Variants in CPNE8 observed in about 807,000 individuals in gnomAD.
The protein encoded by CPNE8 is copine 8.
Under a neutral mutation model 81.5 loss-of-function variants are expected in CPNE8, and 45 were observed. The ratio of observed to expected loss-of-function variants is 0.55; its 90% CI spans 0.44 to 0.71. The LOEUF (loss-of-function observed/expected upper bound fraction) is 0.71, where lower values mean the gene tolerates loss of function less well. CPNE8 is among the 30% of genes least tolerant of loss of function. The probability of loss-of-function intolerance (pLI) is 0.00; values close to 1 mark genes in which losing one functional copy is unlikely to be tolerated. For missense variants in CPNE8, 594 were observed against 672.1 expected (o/e 0.88, Z 1.28); for synonymous variants, 252 against 226.3 (o/e 1.11, Z -1.02).
chr12:38,864,456 C>T (rs887974762), intron 3 of CPNE8, among the ~76,000 whole-genome samples: 62 of 151,782 alleles, frequency 4.1e-4, no homozygotes, highest in African/African-American at 1.4e-3. Flanking sequence ...CCTAGAAAAT[C>T]CTAAAGAAGA....
chr12:38,732,675 T>C (rs59103577), intron 10 of CPNE8, among the ~76,000 whole-genome samples: 7,713 of 152,034 alleles, frequency 0.051, 444 homozygotes, highest in East Asian at 0.33. Context: ...CTTCATGACA[T>C]ACTGTCCTCT....
At chr12:38,836,324 C>T (rs11613812) in intron 5 of CPNE8, among the ~76,000 whole-genome samples, 7 of 152,056 alleles carry the variant, frequency 4.6e-5, no homozygotes, top group Non-Finnish European at 1.0e-4. Context: ...AACACGTTTC[C>T]ACCACAAATA....
At chr12:38,835,076 A>G (rs752640548) in intron 5 of CPNE8, among the ~76,000 whole-genome samples, 5 of 151,944 alleles carry the variant, frequency 3.3e-5, no homozygotes, top group Non-Finnish European at 7.4e-5. Flanking sequence ...TAGTAGATAC[A>G]GGGTTTCACC....
At chr12:38,763,437 G>A (rs566065097) in intron 8 of CPNE8, among the ~76,000 whole-genome samples, 1 of 152,276 alleles carries the variant, frequency 6.6e-6, no homozygotes, top group Admixed American at 6.5e-5. Flanking sequence ...AGAATTCCTC[G>A]GGAGCCCCAA....
chr12:38,865,283 C>T (rs1164804931), intron 3 of CPNE8, among the ~76,000 whole-genome samples: 1 of 152,210 alleles, frequency 6.6e-6, no homozygotes, highest in Non-Finnish European at 1.5e-5. Flanking sequence ...AGATATTTCA[C>T]TCCTACATGT....
intron 19 of CPNE8, among the ~76,000 whole-genome samples, chr12:38,668,117 A>G (rs1220091210): frequency 1.3e-5 from 2 of 152,092 alleles, no homozygotes; most frequent in Non-Finnish European, 2.9e-5. Context: ...ACTTTCAAGA[A>G]GCAAAAACTT....
At chr12:38,754,074 G>T (rs971426466) in intron 10 of CPNE8, among the ~76,000 whole-genome samples, 1 of 152,186 alleles carries the variant, frequency 6.6e-6, no homozygotes, top group Non-Finnish European at 1.5e-5. Flanking sequence ...ACACAAGAGA[G>T]AGGGATTAAA....
chr12:38,724,367 T>C, intron 12 of CPNE8, among the ~76,000 whole-genome samples: 1 of 260 alleles, frequency 3.8e-3, no homozygotes, highest in East Asian at 0.12. Flanking sequence ...TGATATTGAT[T>C]TTTTTTATAT....
At chr12:38,801,016 C>T (rs1213190728) in intron 6 of CPNE8, among the ~76,000 whole-genome samples, 1 of 150,174 alleles carries the variant, frequency 6.7e-6, no homozygotes, top group Non-Finnish European at 1.5e-5. Context: ...GTGAAAAGAC[C>T]ACATCTACGT....
At chr12:38,753,797 A>C (rs1255682443) in intron 10 of CPNE8, among the ~76,000 whole-genome samples, 1 of 152,136 alleles carries the variant, frequency 6.6e-6, no homozygotes, top group Non-Finnish European at 1.5e-5. Context: ...TAATTGTTCT[A>C]TATTATTATT....
chr12:38,725,167 A>G (rs1940664122), intron 11 of CPNE8, among the ~76,000 whole-genome samples: 1 of 152,196 alleles, frequency 6.6e-6, no homozygotes, highest in Non-Finnish European at 1.5e-5. Context: ...CGTTCTTGAT[A>G]TGATAGAGAC....
intron 17 of CPNE8, among the ~76,000 whole-genome samples, chr12:38,676,674 A>T (rs568477452): frequency 6.6e-6 from 1 of 152,186 alleles, no homozygotes; most frequent in Non-Finnish European, 1.5e-5. Context: ...CATATAATAT[A>T]TCACATATCA....
At chr12:38,757,398 A>C (rs1941483014) in intron 10 of CPNE8, among the ~76,000 whole-genome samples, 1 of 152,008 alleles carries the variant, frequency 6.6e-6, no homozygotes, top group Non-Finnish European at 1.5e-5. Flanking sequence ...ATCTTATTAG[A>C]CCACACATAA....
chr12:38,731,501 G>C (rs559391370), intron 10 of CPNE8, among the ~76,000 whole-genome samples: 54 of 151,838 alleles, frequency 3.6e-4, no homozygotes, highest in African/African-American at 1.3e-3. Flanking sequence ...TGTTTTTAAA[G>C]AACTTATTTG....
Position 38,685,958 on chromosome 12 carries a change from A to T in CPNE8, c.1144-341T>A, listed in dbSNP as rs74087323. 7.7e-3 allele frequency among the ~76,000 whole-genome samples: 1,169 copies of T among 152,278 alleles called. 16 individuals are homozygous for T. The highest frequency in any genetic ancestry group is 0.027 in the African/African-American group (1,123 of 41,566). On this transcript the variant is annotated intron_variant, in intron 15 of 19. Coordinates refer to ENST00000331366, the MANE Select transcript of CPNE8 (RefSeq NM_153634.3). ...CACAGGTTTGGGTACATGTGGAGAT[A>T]AACATATAGAAATCCTAAAAAGAAG...
chr12:38,805,372 G>A (rs1039712380), intron 6 of CPNE8, among the ~76,000 whole-genome samples: 1 of 27,350 alleles, frequency 3.7e-5, no homozygotes, highest in African/African-American at 1.2e-4. Context: ...GGACATGGAT[G>A]AAATTGGAAA....
chr12:38,745,835 C>A (rs894529225), intron 10 of CPNE8, among the ~76,000 whole-genome samples: 6 of 152,194 alleles, frequency 3.9e-5, no homozygotes, highest in African/African-American at 1.2e-4. Flanking sequence ...AGCCACGGCA[C>A]CCCATAGGGT....
chr12:38,711,124 A>T (rs960133167), intron 13 of CPNE8, among the ~76,000 whole-genome samples: 1 of 152,224 alleles, frequency 6.6e-6, no homozygotes, highest in Non-Finnish European at 1.5e-5. Context: ...AATTACTAGT[A>T]CATCATCAGG....
chr12:38,814,775 T>G (rs1279954035), intron 6 of CPNE8, among the ~76,000 whole-genome samples: 1 of 152,100 alleles, frequency 6.6e-6, no homozygotes, highest in Non-Finnish European at 1.5e-5. Context: ...CTATACTAGA[T>G]TGTAAACTAT....
Sources: gnomAD v4.1 joint callset for allele counts (sites outside exome capture counted in the v4.1 genomes callset) on GRCh38, gnomAD v4.1.1 for gene constraint, MANE v1.5 for transcripts, NCBI Gene and HGNC (gene_info 2026-07-23, HGNC 2026-07-21) for gene names.